Variants in ALK observed in about 807,000 individuals in gnomAD.
ALK encodes the protein ALK receptor tyrosine kinase.
A neutral mutation model predicts 163.1 loss-of-function variants in ALK; 74 were observed. The ratio of observed to expected loss-of-function variants is 0.45; its 90% CI spans 0.38 to 0.55. The LOEUF (loss-of-function observed/expected upper bound fraction) is 0.55, where lower values mean the gene tolerates loss of function less well. Among genes scored for constraint, ALK ranks in the 20% least tolerant of loss-of-function variants. The pLI is 0.00. For synonymous variants in ALK, 960 were observed against 843.2 expected (o/e 1.14, Z -2.40); for missense variants, 2,063 against 2,105.3 (o/e 0.98, Z 0.39).
chr2:29,700,228 G>C (rs1678691924), intron 2 of ALK, among the ~76,000 whole-genome samples: 1 of 152,150 alleles, frequency 6.6e-6, no homozygotes. Context: ...ATGGGGACTT[G>C]GTTTGCCTCC....
intron 4 of ALK, among the ~76,000 whole-genome samples, chr2:29,439,113 C>A (rs1670474036): frequency 6.6e-6 from 1 of 152,146 alleles, no homozygotes; most frequent in South Asian, 2.1e-4. Context: ...TACACAGGTC[C>A]TTAGGAACTT....
intron 5 of ALK, among the ~76,000 whole-genome samples, chr2:29,336,249 G>A (rs79215272): frequency 0.049 from 7,471 of 152,232 alleles, 248 homozygotes; most frequent in Middle Eastern, 0.075. Flanking sequence ...CCTGTTCTGG[G>A]CAGTAGCTGT....
chr2:29,663,464 A>G (rs1677413567), intron 3 of ALK, among the ~76,000 whole-genome samples: 1 of 152,056 alleles, frequency 6.6e-6, no homozygotes. Flanking sequence ...TCTCTCCCGG[A>G]TTCTTTCACC....
chr2:29,903,450 T>C (rs1667466146), intron 1 of ALK, among the ~76,000 whole-genome samples: 1 of 152,114 alleles, frequency 6.6e-6, no homozygotes, highest in African/African-American at 2.4e-5. Flanking sequence ...GACAGATGAG[T>C]CAAACACTCC....
At chr2:29,411,034 T>C (rs558075348) in intron 4 of ALK, among the ~76,000 whole-genome samples, 18 of 152,372 alleles carry the variant, frequency 1.2e-4, no homozygotes, top group African/African-American at 4.3e-4. Context: ...AGAAATATTT[T>C]CTTCTTTATA....
intron 3 of ALK, among the ~76,000 whole-genome samples, chr2:29,675,022 C>T (rs1677831157): frequency 6.6e-6 from 1 of 150,996 alleles, no homozygotes. Context: ...GTGGTGATAT[C>T]CCCTTTATCA....
At chr2:29,859,286 C>T (rs990417112) in intron 1 of ALK, among the ~76,000 whole-genome samples, 3 of 152,166 alleles carry the variant, frequency 2.0e-5, no homozygotes, top group Non-Finnish European at 2.9e-5. Context: ...AGTTGTTCAG[C>T]AGGAGGTCAG....
chr2:29,644,807 G>A (rs1676825703), intron 3 of ALK, among the ~76,000 whole-genome samples: 1 of 152,106 alleles, frequency 6.6e-6, no homozygotes, highest in Non-Finnish European at 1.5e-5. Flanking sequence ...AACAATTCAT[G>A]CATGGATCAT....
At chr2:29,665,189 G>A (rs1256584412) in intron 3 of ALK, among the ~76,000 whole-genome samples, 1 of 151,454 alleles carries the variant, frequency 6.6e-6, no homozygotes, top group African/African-American at 2.4e-5. Flanking sequence ...GTTTTTCCGT[G>A]TTGACCAGGT....
chr2:29,410,656 C>A (rs1331026691), intron 4 of ALK, among the ~76,000 whole-genome samples: 3 of 152,208 alleles, frequency 2.0e-5, no homozygotes, highest in African/African-American at 4.8e-5. Context: ...AAAGGTAACA[C>A]ACGGTATTTG....
chr2:29,724,777 G>A (rs561533560), intron 1 of ALK, among the ~76,000 whole-genome samples: 157 of 152,190 alleles, frequency 1.0e-3, no homozygotes, highest in Middle Eastern at 0.01. Flanking sequence ...GGCTCATTCA[G>A]AAGGGAGCTA....
chr2:29,351,515 C>G (rs1249068907), intron 5 of ALK, among the ~76,000 whole-genome samples: 2 of 152,188 alleles, frequency 1.3e-5, no homozygotes, highest in Admixed American at 6.5e-5. Flanking sequence ...TGAACCAGAC[C>G]ATGCCCACTC....
At chr2:29,336,810 T>C (rs1362040007) in intron 5 of ALK, among the ~76,000 whole-genome samples, 1 of 152,228 alleles carries the variant, frequency 6.6e-6, no homozygotes, top group African/African-American at 2.4e-5. Context: ...AAGGCACATT[T>C]CTATCAGCTT....
intron 1 of ALK, among the ~76,000 whole-genome samples, chr2:29,828,253 A>G (rs1052000890): frequency 6.6e-6 from 1 of 152,216 alleles, no homozygotes; most frequent in Non-Finnish European, 1.5e-5. Flanking sequence ...GGACATAGGC[A>G]TGGGCAAGGA....
At chr2:29,351,960 A>G (rs575987545) in intron 5 of ALK, among the ~76,000 whole-genome samples, 2 of 152,274 alleles carry the variant, frequency 1.3e-5, no homozygotes, top group African/African-American at 4.8e-5. Flanking sequence ...CTCTGGCCAC[A>G]GTGAAACCAA....
At chr2:29,221,219 C>T (rs886873564) in intron 22 of ALK, 2 of 538,194 alleles carry the variant, frequency 3.7e-6, no homozygotes, top group Admixed American at 2.2e-5. Flanking sequence ...TGAAGCAAAA[C>T]AACTGCTTCC....
At chr2:29,524,341 T>C (rs181101325) in intron 4 of ALK, among the ~76,000 whole-genome samples, 2 of 152,344 alleles carry the variant, frequency 1.3e-5, no homozygotes, top group East Asian at 3.9e-4. Context: ...AGAAGAGCTT[T>C]TCCTGACTGG....
rs145857588 is a variant in ALK, at chr2:29,846,296, A to ATT, written c.667+73695_667+73696dup. ...CCAGTTCACGCTGACTGGCTCCTTT[A>ATT]TTAACCACTGGAACTCAACAGCACC... On this transcript the variant is annotated intron_variant, in intron 1 of 28. Transcript: ENST00000389048. Among the ~76,000 whole-genome samples, 18 of 152,208 alleles carry ATT rather than the reference A, an allele frequency of 1.2e-4. No individual in the cohort carries two copies. In the East Asian group the frequency reaches 3.5e-3, roughly 29 times the overall value.
At chr2:29,907,379 G>T (rs1667580004) in intron 1 of ALK, among the ~76,000 whole-genome samples, 1 of 152,038 alleles carries the variant, frequency 6.6e-6, no homozygotes, top group Non-Finnish European at 1.5e-5. Flanking sequence ...TTCTTTCAAA[G>T]ACTTCTTAAA....
Sources: allele counts gnomAD v4.1 joint callset (sites outside exome capture counted in the v4.1 genomes callset), GRCh38; gene constraint gnomAD v4.1.1; transcripts MANE v1.5; gene names NCBI Gene and HGNC (gene_info 2026-07-23, HGNC 2026-07-21).